Variants in SYCP1 observed in about 807,000 individuals in gnomAD.
SYCP1 encodes cancer/testis antigen 8.
A neutral mutation model predicts 153.1 loss-of-function variants in SYCP1; 64 were observed. The observed-to-expected ratio is 0.42, with a 90% confidence interval of 0.34 to 0.51. The LOEUF (loss-of-function observed/expected upper bound fraction) is 0.51, where lower values mean the gene tolerates loss of function less well. SYCP1 is among the 20% of genes least tolerant of loss of function. The probability of loss-of-function intolerance (pLI) is 0.06; values close to 1 mark genes in which losing one functional copy is unlikely to be tolerated. For synonymous variants in SYCP1, 384 were observed against 341.8 expected, an observed-to-expected ratio of 1.12 and a Z score of -1.36; for missense variants, 997 against 1,049.0, an observed-to-expected ratio of 0.95 and a Z score of 0.68.
chr1:114,900,473 A>G (rs1667358574), intron 16 of SYCP1, among the ~76,000 whole-genome samples: 1 of 151,804 alleles, frequency 6.6e-6, no homozygotes, highest in Non-Finnish European at 1.5e-5. Flanking sequence ...TAGAGATGGG[A>G]TTTTGCCATG....
intron 11 of SYCP1, 35 bp downstream of exon 11, chr1:114,876,845 A>G: frequency 8.3e-7 from 1 of 1,203,878 alleles, no homozygotes; most frequent in Non-Finnish European, 1.1e-6. Context: ...TATTCTTTAT[A>G]TTTGCTAATT....
At chr1:114,865,558 A>T (rs1570656954) in intron 8 of SYCP1, among the ~76,000 whole-genome samples, 1 of 152,258 alleles carries the variant, frequency 6.6e-6, no homozygotes, top group East Asian at 1.9e-4. Context: ...GTACTCAAGG[A>T]TAGTTCTGGG....
At chr1:114,902,698 T>C (rs1667549841) in intron 16 of SYCP1, among the ~76,000 whole-genome samples, 1 of 150,574 alleles carries the variant, frequency 6.6e-6, no homozygotes. Context: ...ATCTGGATTC[T>C]CAGGATCAGA....
upstream of SYCP1, chr1:114,854,705 A>G (rs562363166): frequency 2.0e-5 from 3 of 152,302 alleles, no homozygotes; most frequent in South Asian, 4.1e-4. Context: ...GCATTCTTTG[A>G]CAATAGCAGA....
intron 21 of SYCP1, chr1:114,923,732 A>G (rs1472321524): frequency 5.4e-6 from 2 of 372,290 alleles, no homozygotes; most frequent in Non-Finnish European, 8.6e-6. Context: ...AAATAGTGGC[A>G]TAATTCTGAT....
At chr1:114,946,071 G>A (rs993411668) in intron 25 of SYCP1, among the ~76,000 whole-genome samples, 3 of 151,878 alleles carry the variant, frequency 2.0e-5, no homozygotes, top group African/African-American at 7.3e-5. Flanking sequence ...AGACTGTTGT[G>A]TGTTTCACTA....
chr1:114,962,094 C>G (rs1427612514), intron 27 of SYCP1, among the ~76,000 whole-genome samples: 1 of 151,070 alleles, frequency 6.6e-6, no homozygotes, highest in Non-Finnish European at 1.5e-5. Flanking sequence ...TCTCCTGCAT[C>G]AGCCGCCTGA....
chr1:114,900,562 T>C (rs1473701989), intron 16 of SYCP1, among the ~76,000 whole-genome samples: 1 of 152,258 alleles, frequency 6.6e-6, no homozygotes, highest in Admixed American at 6.5e-5. Flanking sequence ...ATTACAGGCA[T>C]GAGCCACTGC....
intron 23 of SYCP1, among the ~76,000 whole-genome samples, chr1:114,934,653 T>C (rs1669869734): frequency 6.6e-6 from 1 of 152,114 alleles, no homozygotes; most frequent in African/African-American, 2.4e-5. Flanking sequence ...GTGTGCTGTA[T>C]TCAGGAGACC....
chr1:114,958,188 C>T (rs940882364), intron 27 of SYCP1, among the ~76,000 whole-genome samples: 6 of 152,022 alleles, frequency 3.9e-5, no homozygotes, highest in Admixed American at 2.0e-4. Context: ...AAGCTAGGCA[C>T]AGAAAAACAG....
At chr1:114,951,276 A>G (rs1671089855) in intron 27 of SYCP1, among the ~76,000 whole-genome samples, 1 of 152,198 alleles carries the variant, frequency 6.6e-6, no homozygotes, top group Admixed American at 6.5e-5. Flanking sequence ...GAAAAAACAA[A>G]AACATAAACA....
At chr1:114,921,404 T>C (rs1006268033) in intron 20 of SYCP1, among the ~76,000 whole-genome samples, 3 of 152,090 alleles carry the variant, frequency 2.0e-5, no homozygotes, top group South Asian at 2.1e-4. Flanking sequence ...CGAGGCCAGG[T>C]ACGGTGGCTC....
chr1:114,855,640 C>T (rs1252772669), intron 2 of SYCP1, 68 bp downstream of exon 2: 2 of 1,247,536 alleles, frequency 1.6e-6, no homozygotes, highest in Non-Finnish European at 2.3e-6. Flanking sequence ...AGTGTACTTT[C>T]TTCCTGGTGG....
intron 27 of SYCP1, among the ~76,000 whole-genome samples, chr1:114,949,220 A>G (rs1225973907): frequency 1.3e-5 from 2 of 152,188 alleles, no homozygotes; most frequent in African/African-American, 4.8e-5. Flanking sequence ...TGATCAGAAA[A>G]TGGTGGATAA....
chr1:114,970,798 T>G (rs1264393301), intron 27 of SYCP1, among the ~76,000 whole-genome samples: 1 of 152,206 alleles, frequency 6.6e-6, no homozygotes, highest in Non-Finnish European at 1.5e-5. Context: ...TACCAGCACC[T>G]TCTCCAGTGG....
Position 114,885,633 on chromosome 1 carries a change from T to C in SYCP1, c.1005+4T>C. ...AGTGTCATTACAAAGAAGTGTGGTA[T>C]GATTTAAAAACTCATTAGTGTGTAA... is the stretch of plus-strand genomic sequence containing the variant. On this transcript the variant is annotated splice_donor_region_variant and intron_variant, in intron 13 of 31. Transcript: ENST00000369522. 2 of 1,535,676 alleles carry C rather than the reference T, an allele frequency of 1.3e-6. No homozygotes were observed. Among genetic ancestry groups the C allele is most frequent in the South Asian group, 1.2e-5 (1 of 83,886 alleles).
chr1:114,857,166 A>AAG, intron 3 of SYCP1, 66 bp from the exon 4 acceptor site: 1 of 1,131,520 alleles, frequency 8.8e-7, no homozygotes, highest in Non-Finnish European at 1.2e-6. Context: ...AAGAGAAAAA[A>AAG]GAAAAAAAAA....
intron 21 of SYCP1, 91 bp from the exon 22 acceptor site, chr1:114,926,187 A>G: frequency 3.1e-6 from 3 of 980,426 alleles, no homozygotes; most frequent in Non-Finnish European, 4.1e-6. Context: ...GACCTTTATC[A>G]GTACTTTATG....
At chr1:114,981,301 G>A in intron 28 of SYCP1, 35 bp from the exon 29 acceptor site, 2 of 1,451,374 alleles carry the variant, frequency 1.4e-6, no homozygotes, top group Non-Finnish European at 1.9e-6. Flanking sequence ...GTGACATTTA[G>A]TGATGGTTTT....
Sources: allele counts gnomAD v4.1 joint callset (sites outside exome capture counted in the v4.1 genomes callset), GRCh38; gene constraint gnomAD v4.1.1; transcripts MANE v1.5; gene names NCBI Gene and HGNC (gene_info 2026-07-23, HGNC 2026-07-21).